Variants in STK3 observed in about 807,000 individuals in gnomAD.
The protein encoded by STK3 is serine/threonine kinase 3.
A neutral mutation model predicts 58.0 loss-of-function variants in STK3; 41 were observed. The observed-to-expected ratio is 0.71, with a 90% confidence interval of 0.55 to 0.92. The LOEUF (loss-of-function observed/expected upper bound fraction) is 0.92. STK3 is among the 40% of genes least tolerant of loss of function. The probability of loss-of-function intolerance (pLI) is 0.00; values close to 1 mark genes in which losing one functional copy is unlikely to be tolerated. For missense variants in STK3, 479 were observed against 602.7 expected, an observed-to-expected ratio of 0.79 and a Z score of 2.15; for synonymous variants, 170 against 191.0, an observed-to-expected ratio of 0.89 and a Z score of 0.91.
chr8:98,855,825 A>G (rs1234633044), intron 3 of STK3, among the ~76,000 whole-genome samples: 1 of 152,086 alleles, frequency 6.6e-6, no homozygotes, highest in East Asian at 1.9e-4. Flanking sequence ...GTCTGAGACA[A>G]GCTTGGCCAA....
chr8:98,369,318 T>A (rs1221207275), downstream of STK3, among the ~76,000 whole-genome samples: 2 of 152,204 alleles, frequency 1.3e-5, no homozygotes, highest in Non-Finnish European at 2.9e-5. Flanking sequence ...AACGCTACCA[T>A]TAGCAACTAA....
intron 6 of STK3, among the ~76,000 whole-genome samples, chr8:98,632,704 A>T (rs919368050): frequency 1.3e-5 from 2 of 152,228 alleles, no homozygotes; most frequent in Non-Finnish European, 2.9e-5. Context: ...ATGAGTATAA[A>T]ATGAATTATT....
chr8:98,506,051 A>C (rs1434775373), intron 10 of STK3, among the ~76,000 whole-genome samples: 3 of 152,196 alleles, frequency 2.0e-5, no homozygotes, highest in Non-Finnish European at 2.9e-5. Flanking sequence ...AGTGGGCTCC[A>C]CCCAGTTTGA....
intron 3 of STK3, among the ~76,000 whole-genome samples, chr8:98,417,859 C>G (rs1197487160): frequency 6.6e-6 from 1 of 152,198 alleles, no homozygotes; most frequent in East Asian, 1.9e-4. Flanking sequence ...CAGGCATTCT[C>G]CTTCCAGAAC....
At chr8:98,352,815 C>T in the STK3 span, among the ~76,000 whole-genome samples, 2 of 152,130 alleles carry the variant, frequency 1.3e-5, no homozygotes, top group African/African-American at 2.4e-5. Flanking sequence ...CAAAATACAG[C>T]ATCTTAGGTG....
chr8:98,798,272 G>A (rs183621749), intron 1 of STK3, among the ~76,000 whole-genome samples: 4 of 152,224 alleles, frequency 2.6e-5, no homozygotes, highest in South Asian at 2.1e-4. Context: ...CAGTAAACAC[G>A]AGAATTTTCT....
chr8:98,774,736 T>TA lies in STK3; in HGVS notation c.107+2dup. 1 of 1,573,684 alleles carries TA rather than the reference T, an allele frequency of 6.4e-7. No individual in the cohort carries two copies. Among genetic ancestry groups the TA allele is most frequent in the Non-Finnish European group, 8.6e-7 (1 of 1,161,756 alleles). On this transcript the variant is annotated splice_region_variant and intron_variant, in intron 2 of 10. Coordinates refer to ENST00000419617, the MANE Select transcript of STK3 (RefSeq NM_006281.4). Reference sequence around the variant, plus strand: ...TACATGCTTTCATACTTTTTGTACTTACCCTTCTCCAAGCTTCTCTAATAC... The same window carrying TA: ...TACATGCTTTCATACTTTTTGTACTTAACCCTTCTCCAAGCTTCTCTAATAC...
rs529947520 is a variant in STK3, at chr8:98,565,903, C to T, written c.948+13761G>A. ...TTCTTACTATGTAATACAGTTGACC[C>T]ATCTCAACACCTAATTTACATCACA... On this transcript the variant is annotated intron_variant, in intron 8 of 10. Coordinates refer to ENST00000419617, the MANE Select transcript of STK3 (RefSeq NM_006281.4). Among the ~76,000 whole-genome samples, 7 of 152,194 alleles carry T rather than the reference C, an allele frequency of 4.6e-5. No homozygotes were observed. In the East Asian group the frequency reaches 1.4e-3, roughly 29 times the overall value.
intron 6 of STK3, among the ~76,000 whole-genome samples, chr8:98,695,265 G>T: frequency 6.6e-6 from 1 of 152,154 alleles, no homozygotes; most frequent in East Asian, 1.9e-4. Context: ...CAGATGAGTA[G>T]ATTGCAAAAA....
intron 1 of STK3, among the ~76,000 whole-genome samples, chr8:98,780,811 T>G (rs1420966304): frequency 6.6e-6 from 1 of 152,080 alleles, no homozygotes; most frequent in Non-Finnish European, 1.5e-5. Flanking sequence ...GCTTAAAGCT[T>G]TCAGAAGAGA....
At chr8:98,409,099 C>T (rs1193436681) in intron 3 of STK3, among the ~76,000 whole-genome samples, 1 of 152,192 alleles carries the variant, frequency 6.6e-6, no homozygotes, top group Non-Finnish European at 1.5e-5. Flanking sequence ...CTCCTCAGCC[C>T]CATGCCCCAG....
intron 3 of STK3, among the ~76,000 whole-genome samples, chr8:98,839,689 G>A (rs932070467): frequency 3.9e-5 from 6 of 152,064 alleles, no homozygotes; most frequent in South Asian, 2.1e-4. Context: ...ATACTTTTAC[G>A]TGGTTAATTT....
chr8:98,770,607 T>C (rs1416360996), intron 2 of STK3, among the ~76,000 whole-genome samples: 1 of 152,094 alleles, frequency 6.6e-6, no homozygotes, highest in Non-Finnish European at 1.5e-5. Flanking sequence ...TATCAAAGGC[T>C]CAAGGAAATG....
At chr8:98,886,978 A>T (rs1838014282) in intron 1 of STK3, among the ~76,000 whole-genome samples, 1 of 152,074 alleles carries the variant, frequency 6.6e-6, no homozygotes, top group South Asian at 2.1e-4. Flanking sequence ...CGCGCCTGTA[A>T]TCCCAGCTAC....
chr8:98,367,884 T>C (rs975783712), downstream of STK3, among the ~76,000 whole-genome samples: 2 of 152,232 alleles, frequency 1.3e-5, no homozygotes, highest in African/African-American at 4.8e-5. Context: ...TAATTAAAGT[T>C]TTCATAGGAA....
chr8:98,914,595 C>T (rs560399178), intron 1 of STK3, among the ~76,000 whole-genome samples: 2 of 152,156 alleles, frequency 1.3e-5, no homozygotes, highest in South Asian at 2.1e-4. Context: ...TTCATGTTGC[C>T]GCTATTGACA....
rs1389701703 is a variant in STK3 at position 98,407,677 on chromosome 8, G to A, written n.484-6164C>T. Among the ~76,000 whole-genome samples the A allele has an allele frequency of 2.6e-5, 4 of 151,928 alleles. No homozygotes were observed. The South Asian group carries it at 6.2e-4, about 24-fold the overall frequency. On this transcript the variant is annotated intron_variant and non_coding_transcript_variant, in intron 3 of 3. Transcript: ENST00000517832. Reference sequence around the variant, plus strand: ...TAACCTGCTGCAGATTTTAAATTCCGAGAGGAGCTCACCTTCTAGCCCACT... The same window carrying A: ...TAACCTGCTGCAGATTTTAAATTCCAAGAGGAGCTCACCTTCTAGCCCACT...
At chr8:98,497,445 A>T (rs1293569289) in intron 10 of STK3, among the ~76,000 whole-genome samples, 1 of 152,096 alleles carries the variant, frequency 6.6e-6, no homozygotes, top group East Asian at 1.9e-4. Context: ...AAAAAAGGAA[A>T]CTGGACTTTA....
At chr8:98,737,343 C>T (rs1287381582) in intron 4 of STK3, among the ~76,000 whole-genome samples, 1 of 151,790 alleles carries the variant, frequency 6.6e-6, no homozygotes, top group East Asian at 1.9e-4. Flanking sequence ...AGGAAAAGGC[C>T]CCAAACATAA....
Sources: gnomAD v4.1 joint callset for allele counts (sites outside exome capture counted in the v4.1 genomes callset) on GRCh38, gnomAD v4.1.1 for gene constraint, MANE v1.5 for transcripts, NCBI Gene and HGNC (gene_info 2026-07-23, HGNC 2026-07-21) for gene names.